ZNF787: variants seen among roughly 807,000 people sequenced by gnomAD.
ZNF787 encodes zinc finger protein 787.
Under a neutral mutation model 16.9 loss-of-function variants are expected in ZNF787, and 7 were observed. The ratio of observed to expected loss-of-function variants is 0.42; its 90% CI spans 0.24 to 0.78. The LOEUF is 0.78. Ranked by LOEUF, ZNF787 falls within the 30% of genes least tolerant of loss-of-function variation. The pLI, the probability that ZNF787 is intolerant of heterozygous loss-of-function variation, is 0.30. For synonymous variants in ZNF787, 345 were observed against 270.9 expected, an observed-to-expected ratio of 1.27 and a Z score of -2.69; for missense variants, 551 against 589.3, an observed-to-expected ratio of 0.94 and a Z score of 0.67.
intron 1 of ZNF787, among the ~76,000 whole-genome samples, chr19:56,107,222 T>C (rs1986357563): frequency 6.6e-6 from 1 of 152,048 alleles, no homozygotes; most frequent in African/African-American, 2.4e-5. Flanking sequence ...GCCCAAGGTC[T>C]CTCCGTGGGG....
intron 1 of ZNF787, among the ~76,000 whole-genome samples, chr19:56,120,255 G>C (rs573092016): frequency 6.6e-6 from 1 of 152,124 alleles, no homozygotes; most frequent in African/African-American, 2.4e-5. Context: ...GTGTCTGTGG[G>C]TCACTTTTCT....
chr19:56,095,780 G>T (rs901482597), intron 2 of ZNF787, among the ~76,000 whole-genome samples: 1 of 152,162 alleles, frequency 6.6e-6, no homozygotes, highest in Non-Finnish European at 1.5e-5. Flanking sequence ...CCCTGGTTTG[G>T]ACAAAACAGC....
intron 2 of ZNF787, among the ~76,000 whole-genome samples, chr19:56,090,383 C>T (rs1191770050): frequency 6.6e-6 from 1 of 152,118 alleles, no homozygotes; most frequent in Admixed American, 6.5e-5. Context: ...AGACTGGGTC[C>T]AAGAAACAGC....
At chr19:56,120,813 C>G (rs899255112) in intron 1 of ZNF787, among the ~76,000 whole-genome samples, 31 of 150,492 alleles carry the variant, frequency 2.1e-4, no homozygotes, top group Non-Finnish European at 4.2e-4. Context: ...GGCCCCACCC[C>G]CGACGGCCCG....
rs190622515 is a variant in ZNF787 at position 56,110,318 on chromosome 19, C to T, written c.-10-7091G>A. On this transcript the variant is annotated intron_variant, in intron 1 of 2. Coordinates refer to ENST00000610935, the MANE Select transcript of ZNF787 (RefSeq NM_001002836.4). ...GAGGTTGCAGTGAGCTGAGATCACA[C>T]GCCACTGCACTCCAGCCTGGGCAAC... is the stretch of plus-strand genomic sequence containing the variant. Among the ~76,000 whole-genome samples, 99 of 150,404 alleles carry T rather than the reference C, an allele frequency of 6.6e-4. No individual in the cohort carries two copies. In the Middle Eastern group the frequency reaches 0.035, roughly 54 times the overall value.
At chr19:56,114,182 TC>T (rs902070480) in intron 1 of ZNF787, among the ~76,000 whole-genome samples, 1 of 151,886 alleles carries the variant, frequency 6.6e-6, no homozygotes, top group Non-Finnish European at 1.5e-5. Context: ...GCAAACCCCC[TC>T]CCTTCCAGCT....
At chr19:56,096,267 A>AT (rs1265919181) in intron 2 of ZNF787, among the ~76,000 whole-genome samples, 4 of 148,230 alleles carry the variant, frequency 2.7e-5, no homozygotes, top group Non-Finnish European at 6.0e-5. Context: ...AAAAATAAAA[A>AT]AACTAGCTGG....
At chr19:56,113,009 C>T (rs1405801192) in intron 1 of ZNF787, among the ~76,000 whole-genome samples, 1 of 152,012 alleles carries the variant, frequency 6.6e-6, no homozygotes, top group Non-Finnish European at 1.5e-5. Flanking sequence ...TCCCACCCTG[C>T]CTCTTGGAAG....
rs985497908 is a variant in ZNF787 at position 56,087,856 on chromosome 19, C to A, written c.*167G>T. 13 of 1,134,270 alleles carry A rather than the reference C, an allele frequency of 1.1e-5. No homozygotes were observed. The highest frequency in any genetic ancestry group is 1.6e-5 in the African/African-American group (1 of 61,070). 70.3% of individuals were successfully genotyped at this position (1,134,270 alleles called of 1,614,324 possible). A position where few individuals can be genotyped will look rare whatever the true frequency, so the allele number is the denominator to read the frequency against. On this transcript the variant is annotated 3_prime_UTR_variant, in exon 3 of 3. Transcript: ENST00000610935. The stretch of plus-strand genomic sequence containing the variant: ...AGAAGTGAACGGGCCCTAATACGCC[C>A]CAGTGCCCCCCCACGGACGGCGCAG...
chr19:56,120,415 C>A (rs1015107735), intron 1 of ZNF787, among the ~76,000 whole-genome samples: 3 of 152,232 alleles, frequency 2.0e-5, no homozygotes, highest in Admixed American at 2.0e-4. Context: ...CCACCCGATC[C>A]AGTCCCCGCC....
intron 2 of ZNF787, among the ~76,000 whole-genome samples, chr19:56,095,030 CTT>C (rs1391087950): frequency 6.6e-6 from 1 of 152,202 alleles, no homozygotes; most frequent in Non-Finnish European, 1.5e-5. Flanking sequence ...AGGAGAATCA[CTT>C]GAACCCGAGA....
chr19:56,112,324 C>T (rs1335427423), intron 1 of ZNF787, among the ~76,000 whole-genome samples: 2 of 152,120 alleles, frequency 1.3e-5, no homozygotes, highest in South Asian at 2.1e-4. Flanking sequence ...GTTTCTCAGT[C>T]GGGGTCTCAG....
At chr19:56,093,611 G>A (rs910397943) in intron 2 of ZNF787, among the ~76,000 whole-genome samples, 1 of 152,122 alleles carries the variant, frequency 6.6e-6, no homozygotes, top group African/African-American at 2.4e-5. Context: ...AGGCTCATTC[G>A]CTTTTAGGTT....
chr19:56,087,720 T>G lies in ZNF787; in HGVS notation c.*303A>C. 1 of 220,606 alleles carries G rather than the reference T, an allele frequency of 4.5e-6. No individual in the cohort carries two copies. The highest frequency in any genetic ancestry group is 8.5e-6 in the Non-Finnish European group (1 of 117,234). The allele number at this position is 220,606 out of a possible 1,614,324, so 13.7% of individuals were successfully genotyped here. The stretch of plus-strand genomic sequence containing the variant: ...AGAGCAGGGAAAATGGCCTTCCGCT[T>G]GGGGCCTGGTCGCCACTCGGCCTCT... On this transcript the variant is annotated 3_prime_UTR_variant, in exon 3 of 3. Transcript: ENST00000610935.
chr19:56,098,473 G>A (rs563677096), intron 2 of ZNF787, among the ~76,000 whole-genome samples: 1 of 149,962 alleles, frequency 6.7e-6, no homozygotes, highest in East Asian at 2.0e-4. Context: ...GATTACGGCC[G>A]CAAGGTGATG....
At position 56,087,671 on chromosome 19, in the gene ZNF787, A is replaced by AC. The variant is rs1555774943; in HGVS notation, c.*351dup. 1.5e-5 allele frequency: 2 copies of AC among 134,420 alleles called. No individual in the cohort carries two copies. The highest frequency in any genetic ancestry group is 2.4e-4 in the South Asian group (1 of 4,230). 8.3% of individuals were successfully genotyped at this position (134,420 alleles called of 1,614,324 possible). ...TTCTCCATTCCTCGCAGCACCCCCCACCCCCGCCCCGGACAACTGAGGAAG... is the reference window on the plus strand; with the variant it reads ...TTCTCCATTCCTCGCAGCACCCCCCACCCCCCGCCCCGGACAACTGAGGAAG... On this transcript the variant is annotated 3_prime_UTR_variant, in exon 3 of 3. Coordinates refer to ENST00000610935, the MANE Select transcript of ZNF787 (RefSeq NM_001002836.4).
intron 2 of ZNF787, chr19:56,102,765 A>C: frequency 1.6e-6 from 1 of 606,066 alleles, no homozygotes; most frequent in Non-Finnish European, 2.9e-6. Context: ...GGAGGGCCAC[A>C]GGCCCGCCTG....
At chr19:56,095,386 GTCCCTTATCTTTTTTA>G (rs1220308799) in intron 2 of ZNF787, among the ~76,000 whole-genome samples, 1 of 152,168 alleles carries the variant, frequency 6.6e-6, no homozygotes, top group Non-Finnish European at 1.5e-5. Flanking sequence ...ATGCCATCCT[GTCCCTTATCTTTTTTA>G]TTATAATCAC....
rs369076893 is a variant in ZNF787, at chr19:56,088,931, G to T, written c.241C>A (p.Leu81Met). ...GTGTGCGTGCGCTGGTGCCGCGTCAGCTTGGACCAGTGGCTAAAGCTCTTG... is the reference window on the plus strand; with the variant it reads ...GTGTGCGTGCGCTGGTGCCGCGTCATCTTGGACCAGTGGCTAAAGCTCTTG... ...CGKSFSHWSK[L>M]TRHQRTHTGE... The change falls in exon 3 of 3, where the codon CTG becomes ATG. Residue 81 changes from leucine (L) to methionine (M), a missense_variant. Leu to Met is a conservative substitution (Grantham distance 15, BLOSUM62 2). Coordinates refer to ENST00000610935, the MANE Select transcript of ZNF787 (RefSeq NM_001002836.4). This position sits in a 1 kb window ranked among gnomAD's most constrained non-coding sequence, Gnocchi z 8.6. 1.3e-6 allele frequency: 2 copies of T among 1,584,616 alleles called. No individual in the cohort carries two copies. The highest frequency in any genetic ancestry group is 1.8e-5 in the Admixed American group (1 of 57,024).
Sources: gnomAD v4.1 joint callset for allele counts (sites outside exome capture counted in the v4.1 genomes callset) on GRCh38, gnomAD v4.1.1 for gene constraint, Gnocchi (gnomAD v3.1) non-coding constraint, MANE v1.5 for transcripts, NCBI Gene and HGNC (gene_info 2026-07-23, HGNC 2026-07-21) for gene names.